HMGA2: variants seen among roughly 807,000 people sequenced by gnomAD.
The protein encoded by HMGA2 is high mobility group AT-hook 2, also known as high mobility group protein HMGI-C.
Under a neutral mutation model 19.1 loss-of-function variants are expected in HMGA2, and 8 were observed. The observed-to-expected ratio is 0.42, with a 90% CI of 0.25 to 0.76. HMGA2 has a LOEUF of 0.76. Ranked by LOEUF, HMGA2 falls within the 30% of genes least tolerant of loss-of-function variation. The pLI, the probability that HMGA2 is intolerant of heterozygous loss-of-function variation, is 0.28. For missense variants in HMGA2, 109 were observed against 136.3 expected (o/e 0.80, Z 1.00); for synonymous variants, 60 against 48.8 (o/e 1.23, Z -0.96).
chr12:65,850,889 C>T (rs766176345), intron 3 of HMGA2, among the ~76,000 whole-genome samples: 22 of 152,168 alleles, frequency 1.4e-4, no homozygotes, highest in Non-Finnish European at 2.4e-4. Flanking sequence ...CAAGTTTAAT[C>T]GTCTTTCCTG....
At chr12:65,830,330 T>C (rs932890867) in intron 2 of HMGA2, among the ~76,000 whole-genome samples, 4 of 151,980 alleles carry the variant, frequency 2.6e-5, no homozygotes, top group Admixed American at 1.3e-4. Flanking sequence ...ATATATTGTG[T>C]TCTAACAAAA....
chr12:65,835,704 G>GA (rs1223570170), intron 2 of HMGA2, among the ~76,000 whole-genome samples: 5 of 151,488 alleles, frequency 3.3e-5, no homozygotes, highest in African/African-American at 4.9e-5. Context: ...AACTCTTTCA[G>GA]AAAAAAAACC....
At chr12:65,962,366 A>C (rs1876776162) in intron 4 of HMGA2, among the ~76,000 whole-genome samples, 1 of 152,234 alleles carries the variant, frequency 6.6e-6, no homozygotes, top group Admixed American at 6.5e-5. Context: ...GGAATCAGAA[A>C]AAGGAAAAGG....
chr12:65,944,426 A>C (rs1434307435), intron 3 of HMGA2, among the ~76,000 whole-genome samples: 1 of 152,158 alleles, frequency 6.6e-6, no homozygotes, highest in Non-Finnish European at 1.5e-5. Context: ...CTGGAAGAAC[A>C]ACCACAGCAT....
chr12:65,872,457 T>G (rs1163753666), intron 3 of HMGA2, among the ~76,000 whole-genome samples: 4 of 152,202 alleles, frequency 2.6e-5, no homozygotes, highest in African/African-American at 9.6e-5. Flanking sequence ...GAGTTAGCTC[T>G]GTGGTATCTG....
intron 3 of HMGA2, chr12:65,915,448 T>A: frequency 8.0e-7 from 1 of 1,253,084 alleles, no homozygotes; most frequent in South Asian, 1.7e-5. Context: ...GTTACTCTCG[T>A]ACAGGGATCC....
At chr12:65,834,178 A>G (rs951830670) in intron 2 of HMGA2, among the ~76,000 whole-genome samples, 1 of 152,202 alleles carries the variant, frequency 6.6e-6, no homozygotes, top group African/African-American at 2.4e-5. Flanking sequence ...AATGTTCTGT[A>G]AAATATTTGT....
At chr12:65,870,608 T>C (rs946389843) in intron 3 of HMGA2, among the ~76,000 whole-genome samples, 3 of 152,160 alleles carry the variant, frequency 2.0e-5, no homozygotes, top group Non-Finnish European at 4.4e-5. Context: ...CACATGCCTG[T>C]AATCCCAGCT....
intron 3 of HMGA2, among the ~76,000 whole-genome samples, chr12:65,861,875 G>A (rs993473597): frequency 2.1e-5 from 3 of 141,484 alleles, no homozygotes; most frequent in East Asian, 2.0e-4. Flanking sequence ...ATGAAGTTTC[G>A]CTCTTGTTGC....
chr12:65,874,557 C>A (rs1019721936), intron 3 of HMGA2, among the ~76,000 whole-genome samples: 5 of 152,140 alleles, frequency 3.3e-5, no homozygotes, highest in Non-Finnish European at 5.9e-5. Context: ...TAGTGTGACT[C>A]CAGGTGCCTC....
At chr12:65,843,607 G>T in intron 3 of HMGA2, 1 of 167,782 alleles carries the variant, frequency 6.0e-6, no homozygotes, top group Non-Finnish European at 1.3e-5. Flanking sequence ...TGATTTTGAA[G>T]CTAAAACATT....
chr12:65,885,392 C>T (rs1292520049), intron 3 of HMGA2, among the ~76,000 whole-genome samples: 3 of 152,116 alleles, frequency 2.0e-5, no homozygotes, highest in Non-Finnish European at 4.4e-5. Context: ...AGAAGACACT[C>T]GTCTTCCTGG....
Position 65,914,610 on chromosome 12 carries a change from A to T in HMGA2, c.250-36773A>T, listed in dbSNP as rs547126635. The T allele has an allele frequency of 1.1e-4, 30 of 265,572 alleles. 2 individuals are homozygous for T. In the South Asian group the frequency reaches 1.4e-3, roughly 12 times the overall value. The allele number at this position is 265,572 out of a possible 1,614,324, so 16.5% of individuals were successfully genotyped here. A position where few individuals can be genotyped will look rare whatever the true frequency, so the allele number is the denominator to read the frequency against. On this transcript the variant is annotated intron_variant, in intron 3 of 4. Coordinates refer to ENST00000403681, the MANE Select transcript of HMGA2 (RefSeq NM_003483.6). Reference sequence around the variant, plus strand: ...TATACATATGTAACTAACCTGCACAATGTGCACATGTACCCTAAAACTTAA... The same window carrying T: ...TATACATATGTAACTAACCTGCACATTGTGCACATGTACCCTAAAACTTAA...
chr12:65,845,710 G>A (rs1031757417), intron 3 of HMGA2, among the ~76,000 whole-genome samples: 15 of 152,156 alleles, frequency 9.9e-5, no homozygotes, highest in African/African-American at 2.4e-4. Context: ...GGACCTCTGC[G>A]TTTTGATGGG....
intron 3 of HMGA2, among the ~76,000 whole-genome samples, chr12:65,934,192 T>C (rs1450716059): frequency 1.3e-5 from 2 of 152,212 alleles, no homozygotes; most frequent in Non-Finnish European, 2.9e-5. Context: ...GAGATATTAT[T>C]CCATATAATT....
At chr12:65,860,687 C>A (rs564119386) in intron 3 of HMGA2, among the ~76,000 whole-genome samples, 2 of 152,082 alleles carry the variant, frequency 1.3e-5, no homozygotes, top group Admixed American at 6.6e-5. Context: ...CTTTAAACTG[C>A]GTAATTGGAA....
At chr12:65,962,468 GGTCGATGCGGATTAGTATTGAGAT>G (rs1876778518) in intron 4 of HMGA2, among the ~76,000 whole-genome samples, 1 of 152,172 alleles carries the variant, frequency 6.6e-6, no homozygotes, top group African/African-American at 2.4e-5. Flanking sequence ...TCAAATGTTT[GGTCGATGCGGATTAGTATTGAGAT>G]TGAGCAGTTA....
intron 3 of HMGA2, chr12:65,881,782 G>A: frequency 1.4e-6 from 1 of 703,072 alleles, no homozygotes; most frequent in Non-Finnish European, 2.6e-6. Flanking sequence ...AAGGAAGCCT[G>A]CTGATCCCGG....
intron 3 of HMGA2, among the ~76,000 whole-genome samples, chr12:65,861,467 C>T (rs1872064177): frequency 6.6e-6 from 1 of 152,116 alleles, no homozygotes; most frequent in Non-Finnish European, 1.5e-5. Context: ...GTGACAAAAC[C>T]TGTATGTAAA....
Sources: allele counts gnomAD v4.1 joint callset (sites outside exome capture counted in the v4.1 genomes callset), GRCh38; gene constraint gnomAD v4.1.1; transcripts MANE v1.5; gene names NCBI Gene and HGNC (gene_info 2026-07-23, HGNC 2026-07-21).